CD82: variants seen among roughly 807,000 people sequenced by gnomAD.
The protein encoded by CD82 is CD82 molecule, also known as CD82 antigen.
In CD82, 36 loss-of-function variants were observed where a neutral mutation model predicts 37.4. The ratio of observed to expected loss-of-function variants is 0.96; its 90% confidence interval spans 0.74 to 1.27. The LOEUF (loss-of-function observed/expected upper bound fraction) is 1.27, where lower values mean the gene tolerates loss of function less well. CD82 is among the 50% of genes most tolerant of loss of function. The pLI, the probability that CD82 is intolerant of heterozygous loss-of-function variation, is 0.00. For missense variants in CD82, 340 were observed against 347.0 expected (o/e 0.98, Z 0.16); for synonymous variants, 158 against 137.4 (o/e 1.15, Z -1.05).
chr11:44,583,252 T>C (rs1390201149), intron 1 of CD82, among the ~76,000 whole-genome samples: 1 of 152,234 alleles, frequency 6.6e-6, no homozygotes, highest in Non-Finnish European at 1.5e-5. Context: ...CTCAGCTTGA[T>C]TCTTTGGCTG....
chr11:44,590,050 G>T (rs1042403068), intron 2 of CD82, among the ~76,000 whole-genome samples: 1 of 151,088 alleles, frequency 6.6e-6, no homozygotes, highest in Non-Finnish European at 1.5e-5. Flanking sequence ...AGTCAGGATG[G>T]TCTCGATCTC....
chr11:44,593,094 T>C (rs1853169000), intron 2 of CD82, among the ~76,000 whole-genome samples: 1 of 152,204 alleles, frequency 6.6e-6, no homozygotes, highest in South Asian at 2.1e-4. Flanking sequence ...ATTAGCCACC[T>C]TCCCCATCAC....
rs947585410 is a variant in CD82 at position 44,585,571 on chromosome 11, C to T, written c.-102-1904C>T. 1.1e-4 allele frequency among the ~76,000 whole-genome samples: 16 copies of T among 152,266 alleles called. No individual in the cohort carries two copies. The South Asian group carries it at 1.5e-3, about 14-fold the overall frequency. On this transcript the variant is annotated intron_variant, in intron 1 of 9. Transcript: ENST00000227155. ...CATCTTCATGCCTGCGGTAGGTGGG[C>T]GGGGTTGGCATCCCCATCTGTGGAT...
intron 7 of CD82, 58 bp from the exon 8 acceptor site, chr11:44,618,104 G>T: frequency 6.5e-7 from 1 of 1,531,714 alleles, no homozygotes; most frequent in South Asian, 1.2e-5. Flanking sequence ...TCTGCCAGGA[G>T]GGCAGCCTGC....
intron 3 of CD82, among the ~76,000 whole-genome samples, chr11:44,598,400 A>ATTTTTTTGTTTTTTTTTTTTTT (rs1853258776): frequency 1.7e-5 from 1 of 58,880 alleles, no homozygotes; most frequent in Non-Finnish European, 3.0e-5. Flanking sequence ...TTTGGCCTTA[A>ATTTTTTTGTTTTTTTTTTTTTT]TTTTTTTTTT....
chr11:44,587,256 A>G (rs1040771901), intron 1 of CD82: 1 of 344,910 alleles, frequency 2.9e-6, no homozygotes, highest in South Asian at 2.2e-5. Flanking sequence ...CCTTTTGCAA[A>G]GGCCCTCAGG....
At chr11:44,569,645 C>G (rs1281576115) in intron 1 of CD82, among the ~76,000 whole-genome samples, 1 of 152,102 alleles carries the variant, frequency 6.6e-6, no homozygotes, top group Non-Finnish European at 1.5e-5. Context: ...CAAATACAAC[C>G]CCAACACAGA....
chr11:44,605,261 T>C (rs1853375868), intron 5 of CD82, 79 bp downstream of exon 5: 1 of 1,608,344 alleles, frequency 6.2e-7, no homozygotes, highest in African/African-American at 1.3e-5. Flanking sequence ...GCGCTGGCCG[T>C]AACATCGGGT....
At chr11:44,606,209 A>C (rs1335127596) in intron 6 of CD82, 1 of 152,330 alleles carries the variant, frequency 6.6e-6, no homozygotes, top group Non-Finnish European at 1.5e-5. Context: ...CCCTTTTATC[A>C]GAAAAGGCGC....
chr11:44,592,686 A>G (rs1430105425), intron 2 of CD82, among the ~76,000 whole-genome samples: 1 of 152,094 alleles, frequency 6.6e-6, no homozygotes, highest in Admixed American at 6.5e-5. Context: ...GGCATTGAAG[A>G]TCTCTGGCTT....
At chr11:44,601,338 T>C (rs1324188677) in intron 4 of CD82, among the ~76,000 whole-genome samples, 2 of 132,464 alleles carry the variant, frequency 1.5e-5, no homozygotes, top group East Asian at 4.6e-4. Context: ...AAAGCAAGGA[T>C]GATCTACACT....
At chr11:44,584,069 T>G (rs1853019161) in intron 1 of CD82, among the ~76,000 whole-genome samples, 1 of 152,188 alleles carries the variant, frequency 6.6e-6, no homozygotes, top group African/African-American at 2.4e-5. Flanking sequence ...GTGGTGGTAG[T>G]GGCGGGATCT....
intron 5 of CD82, 79 bp from the exon 6 acceptor site, chr11:44,605,276 A>G (rs577330746): frequency 3.7e-6 from 6 of 1,610,152 alleles, no homozygotes; most frequent in Non-Finnish European, 5.1e-6. Flanking sequence ...TCGGGTGGAG[A>G]GCATCTCTCG....
chr11:44,579,407 C>T (rs1472630466), intron 1 of CD82, among the ~76,000 whole-genome samples: 2 of 152,032 alleles, frequency 1.3e-5, no homozygotes, highest in East Asian at 1.9e-4. Flanking sequence ...AGGGCCTGCA[C>T]TTCCAGGCCG....
chr11:44,577,500 GGCCTGTGGCTGGTGTGGGTCCAA>G (rs1194457332), intron 1 of CD82, among the ~76,000 whole-genome samples: 8 of 152,020 alleles, frequency 5.3e-5, no homozygotes, highest in African/African-American at 1.9e-4. Flanking sequence ...ATGAGAGCAG[GGCCTGTGGCTGGTGTGGGTCCAA>G]GCCCCTGCAG....
intron 1 of CD82, among the ~76,000 whole-genome samples, chr11:44,578,802 T>C (rs1852937720): frequency 6.6e-6 from 1 of 152,102 alleles, no homozygotes; most frequent in Non-Finnish European, 1.5e-5. Context: ...CACCCTGCAT[T>C]AGGAGCTGGC....
rs146152835 is a variant in CD82 at position 44,577,224 on chromosome 11, G to A, written c.-102-10251G>A. 3.3e-3 allele frequency among the ~76,000 whole-genome samples: 507 copies of A among 152,284 alleles called. 3 individuals are homozygous for A. Among genetic ancestry groups the A allele is most frequent in the African/African-American group, 0.01 (426 of 41,548 alleles). On this transcript the variant is annotated intron_variant, in intron 1 of 9. Transcript: ENST00000227155. The stretch of plus-strand genomic sequence containing the variant: ...TCAGCCCAGGTTTTCCTCCCAGCTC[G>A]GCTGCTTGCTTCTCCTGGGAACTGT...
chr11:44,594,021 A>G (rs1204312679), intron 2 of CD82, among the ~76,000 whole-genome samples: 1 of 151,946 alleles, frequency 6.6e-6, no homozygotes, highest in African/African-American at 2.4e-5. Context: ...ACACACGAAT[A>G]ATAGCTACTA....
chr11:44,589,629 G>A (rs562913050), intron 2 of CD82, among the ~76,000 whole-genome samples: 77 of 152,326 alleles, frequency 5.1e-4, no homozygotes, highest in African/African-American at 1.9e-3. Context: ...CGGGAGTCCA[G>A]TTGGGAGTTC....
Sources: gnomAD v4.1 joint callset for allele counts (sites outside exome capture counted in the v4.1 genomes callset) on GRCh38, gnomAD v4.1.1 for gene constraint, MANE v1.5 for transcripts, NCBI Gene and HGNC (gene_info 2026-07-23, HGNC 2026-07-21) for gene names.